The following EXOSC9 variants were observed in gnomAD, a reference collection of about 807,000 sequenced individuals.
The protein encoded by EXOSC9 is exosome complex component RRP45.
In EXOSC9, 38 loss-of-function variants were observed where a neutral mutation model predicts 56.5. That is an observed-to-expected ratio of 0.67 (90% confidence interval 0.52 to 0.88). The LOEUF (loss-of-function observed/expected upper bound fraction) is 0.88, where lower values mean the gene tolerates loss of function less well. Ranked by LOEUF, EXOSC9 falls within the 40% of genes least tolerant of loss-of-function variation. The pLI, the probability that EXOSC9 is intolerant of heterozygous loss-of-function variation, is 0.00. For synonymous variants in EXOSC9, 170 were observed against 170.8 expected (o/e 0.99, Z 0.04); for missense variants, 559 against 530.5 (o/e 1.05, Z -0.53).
At chr4:121,809,484 C>T (rs1434937662) in intron 6 of EXOSC9, among the ~76,000 whole-genome samples, 1 of 152,126 alleles carries the variant, frequency 6.6e-6, no homozygotes, top group Non-Finnish European at 1.5e-5. Flanking sequence ...TTTACATACT[C>T]TGATTACATT....
intron 6 of EXOSC9, chr4:121,807,966 A>C (rs1727074989): frequency 4.2e-6 from 1 of 239,590 alleles, no homozygotes; most frequent in Non-Finnish European, 8.0e-6. Context: ...GTGGGGTGAG[A>C]ATTACTGTGG....
intron 6 of EXOSC9, among the ~76,000 whole-genome samples, chr4:121,809,360 A>G (rs1727138668): frequency 6.6e-6 from 1 of 152,122 alleles, no homozygotes; most frequent in African/African-American, 2.4e-5. Flanking sequence ...TTTTTAATTA[A>G]TATATTTTCA....
chr4:121,810,640 C>T (rs1727185692), intron 7 of EXOSC9, among the ~76,000 whole-genome samples: 1 of 152,050 alleles, frequency 6.6e-6, no homozygotes, highest in Non-Finnish European at 1.5e-5. Flanking sequence ...TGAGATCGTG[C>T]CATTGTTCTC....
At chr4:121,813,582 G>GA (rs896746094) in intron 9 of EXOSC9, among the ~76,000 whole-genome samples, 2 of 152,084 alleles carry the variant, frequency 1.3e-5, no homozygotes, top group Admixed American at 6.6e-5. Flanking sequence ...AGTTATCCTG[G>GA]AAAAAACAGA....
At chr4:121,808,264 C>A (rs963853067) in intron 6 of EXOSC9, among the ~76,000 whole-genome samples, 1 of 149,490 alleles carries the variant, frequency 6.7e-6, no homozygotes, top group Non-Finnish European at 1.5e-5. Context: ...GAAACACTTA[C>A]AAGTTTTAGT....
Position 121,813,894 on chromosome 4 carries a change from G to C in EXOSC9, c.1003G>C (p.Gly335Arg). Residue 335 changes from glycine to arginine, a missense_variant, in exon 10 of 12, where the codon GGA becomes CGA. Coordinates refer to ENST00000243498, the MANE Select transcript of EXOSC9 (RefSeq NM_005033.3). The part of the protein sequence containing the change: ...VVSTPVLWTP[G>R]TAQIGEGVEN... ...TTCTACACCTGTGCTATGGACTCCT[G>C]GAACTGCCCAAATTGGAGAGGGAGT... The C allele has an allele frequency of 6.2e-7, 1 of 1,613,132 alleles. No homozygotes were observed. Among genetic ancestry groups the C allele is most frequent in the East Asian group, 2.2e-5 (1 of 44,866 alleles).
chr4:121,805,606 G>A (rs1310245688), intron 5 of EXOSC9, among the ~76,000 whole-genome samples: 1 of 152,054 alleles, frequency 6.6e-6, no homozygotes, highest in Non-Finnish European at 1.5e-5. Context: ...TTAGAGGAGG[G>A]AGTTTATATA....
intron 5 of EXOSC9, among the ~76,000 whole-genome samples, chr4:121,806,806 T>C (rs2149035782): frequency 6.6e-6 from 1 of 152,162 alleles, no homozygotes; most frequent in African/African-American, 2.4e-5. Flanking sequence ...GTCAGATTTA[T>C]AGAGACAGAA....
At chr4:121,811,233 T>G (rs985831557) in intron 7 of EXOSC9, among the ~76,000 whole-genome samples, 11 of 152,216 alleles carry the variant, frequency 7.2e-5, no homozygotes, top group Non-Finnish European at 1.6e-4. Context: ...AAATGTTAGT[T>G]TCTGGTATCA....
At chr4:121,807,770 G>C in intron 6 of EXOSC9, 148 bp downstream of exon 6, 1 of 621,520 alleles carries the variant, frequency 1.6e-6, no homozygotes, top group Non-Finnish European at 2.9e-6. Context: ...AAGGGCATTA[G>C]TTGGCAAAGA....
chr4:121,804,338 A>G (rs912726989), intron 4 of EXOSC9, among the ~76,000 whole-genome samples: 1 of 152,224 alleles, frequency 6.6e-6, no homozygotes, highest in African/African-American at 2.4e-5. Flanking sequence ...TTTAACAGAC[A>G]TGATAAAAAT....
At position 121,813,896 on chromosome 4, in the gene EXOSC9, A is replaced by C; in HGVS notation, c.1005A>C (p.Gly335=). The C allele has an allele frequency of 6.2e-7, 1 of 1,613,462 alleles. No homozygotes were observed. The highest frequency in any genetic ancestry group is 8.5e-7 in the Non-Finnish European group (1 of 1,179,504). Residue 335 remains glycine (G), a synonymous_variant, in exon 10 of 12, where the codon GGA becomes GGC. Transcript: ENST00000243498. ...VVSTPVLWTP[G]TAQIGEGVEN... is the part of the protein sequence containing the mutation. ...CTACACCTGTGCTATGGACTCCTGGAACTGCCCAAATTGGAGAGGGAGTAG... is the reference window on the plus strand; with the variant it reads ...CTACACCTGTGCTATGGACTCCTGGCACTGCCCAAATTGGAGAGGGAGTAG...
intron 7 of EXOSC9, among the ~76,000 whole-genome samples, chr4:121,811,351 C>G (rs570061943): frequency 6.6e-6 from 1 of 152,302 alleles, no homozygotes; most frequent in Admixed American, 6.5e-5. Flanking sequence ...TCTGTGGTAT[C>G]TTTTATACTG....
chr4:121,812,437 T>C (rs766890253), intron 8 of EXOSC9, among the ~76,000 whole-genome samples: 13 of 152,256 alleles, frequency 8.5e-5, no homozygotes, highest in Non-Finnish European at 1.8e-4. Context: ...TTGGACTTGT[T>C]ATATTTTCTG....
chr4:121,813,229 T>A lies in EXOSC9; in HGVS notation c.828-5T>A. 1.2e-6 allele frequency: 2 copies of A among 1,604,308 alleles called. No individual in the cohort carries two copies. Among genetic ancestry groups the A allele is most frequent in the Non-Finnish European group, 1.7e-6 (2 of 1,174,938 alleles). ...CCTTCCCACCAAAAAAACCCCCACA[T>A]ACAGGAAAGAAGGTGGAAAGTTTGG... On this transcript the variant is annotated splice_region_variant and splice_polypyrimidine_tract_variant and intron_variant, in intron 8 of 11. Coordinates refer to ENST00000243498, the MANE Select transcript of EXOSC9 (RefSeq NM_005033.3).
chr4:121,812,797 G>A (rs1282294520), intron 8 of EXOSC9, among the ~76,000 whole-genome samples: 1 of 152,138 alleles, frequency 6.6e-6, no homozygotes, highest in Non-Finnish European at 1.5e-5. Context: ...GGAGACATAA[G>A]ATTTTTCTTT....
rs376642438 is a variant in EXOSC9 at position 121,804,767 on chromosome 4, C to T, written c.522+8C>T. On this transcript the variant is annotated splice_region_variant and intron_variant, in intron 5 of 11. Transcript: ENST00000243498. ...GGAGATGAAGTAACACTGGTAAGCT[C>T]CTATGTGAACCAGGATCCTTGATAT... 3.3e-4 allele frequency: 520 copies of T among 1,587,118 alleles called. No individual in the cohort carries two copies. The highest frequency in any genetic ancestry group is 4.0e-4 in the Non-Finnish European group (462 of 1,162,970).
intron 3 of EXOSC9, 48 bp downstream of exon 3, chr4:121,802,841 C>T: frequency 1.9e-6 from 3 of 1,612,632 alleles, no homozygotes; most frequent in Non-Finnish European, 2.5e-6. Context: ...GAGAACCTAA[C>T]AGCAGTGAGC....
In EXOSC9 at chr4:121,813,916, GA is replaced by G. The variant is rs765642150; in HGVS notation, c.1026del (p.Val343Ter). On this transcript the variant is annotated frameshift_variant, in exon 10 of 12. Transcript: ENST00000243498. LOFTEE classifies it high-confidence loss of function. Reference protein sequence around the residue: ...WTPGTAQIGEGVENSWGDLED... With the variant: ...WTPGTAQIGEXVENSWGDLED... ...CCTGGAACTGCCCAAATTGGAGAGG[GA>G]GTAGAAAACTCCTGGGGTGATCTTG... is the stretch of plus-strand genomic sequence containing the variant. 1 of 1,613,552 alleles carries G rather than the reference GA, an allele frequency of 6.2e-7. No individual in the cohort carries two copies. The highest frequency in any genetic ancestry group is 1.1e-5 in the South Asian group (1 of 91,054).
Sources: gnomAD v4.1 joint callset for allele counts (sites outside exome capture counted in the v4.1 genomes callset) on GRCh38, gnomAD v4.1.1 for gene constraint, MANE v1.5 for transcripts, NCBI Gene and HGNC (gene_info 2026-07-23, HGNC 2026-07-21) for gene names.